The following MYBL2 variants were observed in gnomAD, a reference collection of about 807,000 sequenced individuals.
MYBL2 encodes MYB proto-oncogene like 2.
MYBL2 carries 28 observed loss-of-function variants against 79.9 expected under a neutral mutation model. The observed-to-expected ratio is 0.35, with a 90% CI of 0.26 to 0.48. MYBL2 has a LOEUF of 0.48. Ranked by LOEUF, MYBL2 falls within the 20% of genes least tolerant of loss-of-function variation. The pLI is 0.99. For missense variants in MYBL2, 735 were observed against 893.9 expected (o/e 0.82, Z 2.27); for synonymous variants, 378 against 361.2 (o/e 1.05, Z -0.53).
chr20:43,689,610 G>T lies in MYBL2; in HGVS notation c.500+2538G>T, dbSNP rs150347547. On this transcript the variant is annotated intron_variant, in intron 5 of 13. Coordinates refer to ENST00000217026, the MANE Select transcript of MYBL2 (RefSeq NM_002466.4). ...GTGGGGGTGCTATTTCTTCAGAGAA[G>T]TTTTCTCTGTTCTCCCAGACTGTGG... Among the ~76,000 whole-genome samples the T allele has an allele frequency of 7.2e-5, 11 of 152,298 alleles. No homozygotes were observed. In the East Asian group the frequency reaches 1.9e-3, roughly 27 times the overall value.
At chr20:43,703,166 A>G (rs1358255798) in intron 8 of MYBL2, among the ~76,000 whole-genome samples, 2 of 152,182 alleles carry the variant, frequency 1.3e-5, no homozygotes, top group African/African-American at 4.8e-5. Flanking sequence ...TAACTGGGTA[A>G]TGAAGGAGAG....
intron 2 of MYBL2, among the ~76,000 whole-genome samples, chr20:43,678,164 G>GCGGAAGGC (rs1987057688): frequency 6.6e-6 from 1 of 152,190 alleles, no homozygotes; most frequent in Non-Finnish European, 1.5e-5. Context: ...CACAAACACT[G>GCGGAAGGC]CGGAAGGCCG....
intron 2 of MYBL2, among the ~76,000 whole-genome samples, chr20:43,681,135 A>G (rs183392436): frequency 6.6e-6 from 1 of 152,254 alleles, no homozygotes; most frequent in East Asian, 1.9e-4. Context: ...TCGGGAGGCT[A>G]TTTTGATAGA....
chr20:43,674,088 A>G (rs1175602035), intron 2 of MYBL2, among the ~76,000 whole-genome samples, 189 bp downstream of exon 2: 2 of 152,010 alleles, frequency 1.3e-5, no homozygotes, highest in Admixed American at 1.3e-4. Flanking sequence ...TTGAGGACTC[A>G]GTGGGTGGGA....
intron 8 of MYBL2, among the ~76,000 whole-genome samples, chr20:43,703,801 G>A (rs1335930316): frequency 3.3e-5 from 5 of 152,040 alleles, no homozygotes; most frequent in Admixed American, 3.3e-4. Flanking sequence ...TGCTCCGGCT[G>A]CTTAACAGAG....
chr20:43,713,018 T>C lies in MYBL2; in HGVS notation c.1736T>C (p.Ile579Thr), dbSNP rs149400096. ...KRKPGLRRSP[I>T]KKVRKSLALD... ...AACCCCTAGCTGCGGCGGAGCCCCA[T>C]CAAGAAAGTCCGGAAGTCTCTGGCT... is the stretch of plus-strand genomic sequence containing the variant. Residue 579 changes from isoleucine to threonine, a missense_variant, in exon 12 of 14, where the codon ATC (isoleucine) becomes ACC (threonine). Physicochemically the swap from Ile to Thr is moderately conservative, Grantham distance 89 (BLOSUM62 -1). This residue lies in a region of MYBL2 where 204 missense variants were observed against 202.9 expected (regional missense o/e 1.01). Coordinates refer to ENST00000217026, the MANE Select transcript of MYBL2 (RefSeq NM_002466.4). 6 of 1,611,976 alleles carry C rather than the reference T, an allele frequency of 3.7e-6. No individual in the cohort carries two copies. Among genetic ancestry groups the C allele is most frequent in the Non-Finnish European group, 5.1e-6 (6 of 1,179,126 alleles).
chr20:43,671,562 T>C (rs1402455055), intron 1 of MYBL2, among the ~76,000 whole-genome samples: 1 of 138,438 alleles, frequency 7.2e-6, no homozygotes, highest in Non-Finnish European at 1.5e-5. Flanking sequence ...AACCTCCGCC[T>C]CCCAGGTTCA....
chr20:43,673,858 C>G lies in MYBL2; in HGVS notation c.73C>G (p.Gln25Glu). The change falls in exon 2 of 14, where the codon CAG (glutamine) becomes GAG (glutamate). Residue 25 changes from glutamine (Q) to glutamate (E), a missense_variant. This residue lies in a region of MYBL2 where 79 missense variants were observed against 86.7 expected (regional missense o/e 0.91). Transcript: ENST00000217026. The part of the protein sequence containing the change: ...YQDTDSDVPE[Q>E]RDSKCKVKWT... Reference sequence around the variant, plus strand: ...GGACACAGATTCAGATGTGCCGGAGCAGAGGGATAGCAAGTGCAAGGTCAA... The same window carrying G: ...GGACACAGATTCAGATGTGCCGGAGGAGAGGGATAGCAAGTGCAAGGTCAA... 2 of 1,556,462 alleles carry G rather than the reference C, an allele frequency of 1.3e-6. No homozygotes were observed. The highest frequency in any genetic ancestry group is 1.7e-6 in the Non-Finnish European group (2 of 1,149,238).
intron 6 of MYBL2, among the ~76,000 whole-genome samples, chr20:43,692,746 C>T (rs1417132950): frequency 6.6e-6 from 1 of 152,030 alleles, no homozygotes; most frequent in Non-Finnish European, 1.5e-5. Flanking sequence ...CCAGTTCAGG[C>T]AACATGGTGA....
chr20:43,710,140 G>C, intron 10 of MYBL2, 78 bp downstream of exon 10: 1 of 1,159,552 alleles, frequency 8.6e-7, no homozygotes, highest in South Asian at 1.7e-5. Context: ...CAGTCCACAG[G>C]ACCCTTCCCT....
rs376522569 is a variant in MYBL2 at position 43,671,463 on chromosome 20, ATTTTTT to A, written c.21-2324_21-2319del. ...GAGTCACCGCGCCCGGCTGATTTCC[ATTTTTT>A]TTTTTTTTTTTTTTTTTTGTGAGAT... On this transcript the variant is annotated intron_variant, in intron 1 of 13. Coordinates refer to ENST00000217026, the MANE Select transcript of MYBL2 (RefSeq NM_002466.4). Among the ~76,000 whole-genome samples the A allele has an allele frequency of 1.2e-3, 83 of 70,870 alleles. 1 individual carries two copies. The highest frequency in any genetic ancestry group is 4.8e-3 in the African/African-American group (80 of 16,626). 46.5% of individuals were successfully genotyped at this position (70,870 alleles called of 152,430 possible). A position where few individuals can be genotyped will look rare whatever the true frequency, so the allele number is the denominator to read the frequency against.
In MYBL2 at chr20:43,716,039, G is replaced by A. The variant is rs1273938757; in HGVS notation, c.2055G>A (p.Leu685=). 1.2e-6 allele frequency: 2 copies of A among 1,611,198 alleles called. No homozygotes were observed. Among genetic ancestry groups the A allele is most frequent in the Non-Finnish European group, 1.7e-6 (2 of 1,179,878 alleles). The change falls in exon 14 of 14, where the codon CTG becomes CTA. Residue 685 remains leucine (L), a synonymous_variant. Transcript: ENST00000217026. ...TGCAGGAGAAAGCCCGGCAGCTCCT[G>A]GGCCGCCTGAAGCCCAGCCACACAT... The part of the protein sequence containing the change: ...LFMQEKARQL[L]GRLKPSHTSR...
chr20:43,696,232 GCTCAT>G (rs1319527094), intron 6 of MYBL2, among the ~76,000 whole-genome samples: 2 of 151,686 alleles, frequency 1.3e-5, no homozygotes, highest in Admixed American at 6.6e-5. Flanking sequence ...GGTTGAGCCT[GCTCAT>G]CTCAACTTTT....
At chr20:43,715,309 G>C in intron 13 of MYBL2, 26 bp downstream of exon 13, 1 of 1,613,632 alleles carries the variant, frequency 6.2e-7, no homozygotes, top group Non-Finnish European at 8.5e-7. Context: ...ATCTCTGGGG[G>C]TCCTGCAGTG....
Position 43,714,086 on chromosome 20 carries a change from G to A in MYBL2, c.1824+980G>A, listed in dbSNP as rs566958710. On this transcript the variant is annotated intron_variant, in intron 12 of 13. Coordinates refer to ENST00000217026, the MANE Select transcript of MYBL2 (RefSeq NM_002466.4). The stretch of plus-strand genomic sequence containing the variant: ...TGCAAAGAAAAAAACATCACCGCAG[G>A]GAGTGAAGAGCACAGATTGAGTCAG... 7.2e-5 allele frequency among the ~76,000 whole-genome samples: 11 copies of A among 152,276 alleles called. No homozygotes were observed. In the South Asian group the frequency reaches 2.3e-3, roughly 32 times the overall value.
chr20:43,683,952 G>A (rs745373956), intron 4 of MYBL2, among the ~76,000 whole-genome samples: 83 of 151,948 alleles, frequency 5.5e-4, no homozygotes, highest in Non-Finnish European at 9.7e-4. Context: ...TGATTGAGGC[G>A]GGGGTTCGCT....
At chr20:43,705,005 C>T (rs1987748216) in intron 8 of MYBL2, among the ~76,000 whole-genome samples, 1 of 152,122 alleles carries the variant, frequency 6.6e-6, no homozygotes, top group Admixed American at 6.6e-5. Flanking sequence ...GTGACGGAAG[C>T]CCAGAGGTCT....
At chr20:43,715,406 C>CAGAGGAACAGCCTA in intron 13 of MYBL2, 123 bp downstream of exon 13, 1 of 1,469,844 alleles carries the variant, frequency 6.8e-7, no homozygotes, top group Non-Finnish European at 9.2e-7. Flanking sequence ...TTTGCATAGG[C>CAGAGGAACAGCCTA]TGTTCCTCTG....
At chr20:43,674,673 C>T (rs1011968049) in intron 2 of MYBL2, among the ~76,000 whole-genome samples, 2 of 151,926 alleles carry the variant, frequency 1.3e-5, no homozygotes, top group South Asian at 2.1e-4. Flanking sequence ...GGATTACAGG[C>T]GTGAGCCACT....
Sources: allele counts gnomAD v4.1 joint callset (sites outside exome capture counted in the v4.1 genomes callset), GRCh38; gene constraint gnomAD v4.1.1; regional missense constraint gnomAD v4.1.1; transcripts MANE v1.5; gene names NCBI Gene and HGNC (gene_info 2026-07-23, HGNC 2026-07-21).